The following FHOD3 variants were observed in gnomAD, a reference collection of about 807,000 sequenced individuals.
The protein encoded by FHOD3 is FH1/FH2 domain-containing protein 3.
In FHOD3, 90 loss-of-function variants were observed where a neutral mutation model predicts 173.0. That is an observed-to-expected ratio of 0.52 (90% CI 0.44 to 0.62). FHOD3 has a LOEUF of 0.62. Ranked by LOEUF, FHOD3 falls within the 20% of genes least tolerant of loss-of-function variation. FHOD3 has a pLI of 0.00. For missense variants in FHOD3, 1,945 were observed against 2,034.7 expected (o/e 0.96, Z 0.85); for synonymous variants, 828 against 823.0 (o/e 1.01, Z -0.10).
intron 3 of FHOD3, among the ~76,000 whole-genome samples, chr18:36,454,452 C>G (rs1220708506): frequency 2.0e-5 from 3 of 152,166 alleles, no homozygotes; most frequent in Admixed American, 6.5e-5. Context: ...ATCTAGTGTT[C>G]ACATTATTAA....
At chr18:36,540,471 G>T (rs192200544) in intron 5 of FHOD3, among the ~76,000 whole-genome samples, 8 of 152,276 alleles carry the variant, frequency 5.3e-5, no homozygotes, top group African/African-American at 1.9e-4. Context: ...GGAAAAGAAT[G>T]CTCATGGTGC....
intron 3 of FHOD3, among the ~76,000 whole-genome samples, chr18:36,470,255 T>C (rs1350993795): frequency 6.6e-6 from 1 of 152,234 alleles, no homozygotes; most frequent in Non-Finnish European, 1.5e-5. Context: ...GTCTGCCCAA[T>C]GCTGAATAGA....
At chr18:36,657,668 A>T (rs995750932) in intron 13 of FHOD3, among the ~76,000 whole-genome samples, 1 of 152,264 alleles carries the variant, frequency 6.6e-6, no homozygotes, top group Non-Finnish European at 1.5e-5. Flanking sequence ...TTAGCCAACC[A>T]TATGGTATTT....
At chr18:36,487,358 C>T (rs1413830267) in intron 3 of FHOD3, among the ~76,000 whole-genome samples, 5 of 152,156 alleles carry the variant, frequency 3.3e-5, no homozygotes, top group Non-Finnish European at 5.9e-5. Context: ...ACATGCAAAA[C>T]GTAGCCAAGA....
rs1220275722 is a variant in FHOD3 at position 36,513,177 on chromosome 18, C to T, written c.511+634C>T. On this transcript the variant is annotated intron_variant, in intron 5 of 28. Transcript: ENST00000590592. ...CACCTTCATATAAATTTCATTTGAT[C>T]CTGTAAAAAAAAAAAAAACAAATAA... Among the ~76,000 whole-genome samples the T allele has an allele frequency of 1.3e-4, 16 of 123,796 alleles. 1 individual carries two copies. The highest frequency in any genetic ancestry group is 1.1e-3 in the Admixed American group (13 of 11,930). 81.2% of individuals were successfully genotyped at this position (123,796 alleles called of 152,430 possible). A position where few individuals can be genotyped will look rare whatever the true frequency, so the allele number is the denominator to read the frequency against.
At chr18:36,320,007 A>G (rs2044314560) in intron 1 of FHOD3, among the ~76,000 whole-genome samples, 1 of 152,252 alleles carries the variant, frequency 6.6e-6, no homozygotes, top group African/African-American at 2.4e-5. Context: ...GGAAATTTAT[A>G]GCACTAAATG....
intron 6 of FHOD3, among the ~76,000 whole-genome samples, chr18:36,583,759 G>A (rs2058934872): frequency 1.3e-5 from 2 of 152,122 alleles, no homozygotes; most frequent in African/African-American, 2.4e-5. Flanking sequence ...GCCCACAGTT[G>A]ACATTTGACA....
intron 1 of FHOD3, among the ~76,000 whole-genome samples, chr18:36,327,731 C>A (rs1032079883): frequency 1.1e-4 from 16 of 152,282 alleles, no homozygotes; most frequent in African/African-American, 3.9e-4. Context: ...ATGACTTTTA[C>A]AGTTTGAAAA....
intron 3 of FHOD3, among the ~76,000 whole-genome samples, chr18:36,430,822 G>A (rs61473759): frequency 6.6e-6 from 1 of 152,150 alleles, no homozygotes; most frequent in Non-Finnish European, 1.5e-5. Context: ...GCGTGAGTTA[G>A]ATGGAGTCAC....
chr18:36,403,419 T>C (rs1469701247), intron 3 of FHOD3, among the ~76,000 whole-genome samples: 9 of 152,226 alleles, frequency 5.9e-5, no homozygotes, highest in African/African-American at 2.2e-4. Context: ...AACTGCAAGA[T>C]GAGTGGCAAG....
chr18:36,364,569 G>C (rs2046800194), intron 2 of FHOD3, among the ~76,000 whole-genome samples: 1 of 152,162 alleles, frequency 6.6e-6, no homozygotes, highest in Admixed American at 6.5e-5. Flanking sequence ...GAGCAGTATT[G>C]GTGCTGGCTG....
chr18:36,595,825 C>G (rs930853272), intron 7 of FHOD3, among the ~76,000 whole-genome samples: 2 of 152,118 alleles, frequency 1.3e-5, no homozygotes, highest in Admixed American at 1.3e-4. Flanking sequence ...TGTTTTCTTC[C>G]CCAGTAGGAC....
chr18:36,450,150 T>TA (rs2051741464), intron 3 of FHOD3, among the ~76,000 whole-genome samples: 1 of 152,200 alleles, frequency 6.6e-6, no homozygotes, highest in Non-Finnish European at 1.5e-5. Context: ...AGCTCCCACC[T>TA]ATGAGTGAGA....
chr18:36,742,872 C>T lies in FHOD3; in HGVS notation c.3879+16C>T, dbSNP rs768401022. The T allele has an allele frequency of 5.0e-6, 8 of 1,605,382 alleles. No homozygotes were observed. The Admixed American group carries it at 1.4e-4, about 28-fold the overall frequency. ...TGGAACTAATGTAAGTCATCCCCAT[C>T]CCTCATCCTGTAGCCCCCCCTTGTC... On this transcript the variant is annotated intron_variant, in intron 22 of 28. Coordinates refer to ENST00000590592, the MANE Select transcript of FHOD3 (RefSeq NM_001281740.3).
intron 3 of FHOD3, among the ~76,000 whole-genome samples, chr18:36,449,939 T>C (rs1003931824): frequency 2.0e-5 from 3 of 152,102 alleles, no homozygotes; most frequent in African/African-American, 7.2e-5. Flanking sequence ...AAAAATTCAG[T>C]AGGTTTTTGG....
intron 1 of FHOD3, among the ~76,000 whole-genome samples, chr18:36,341,650 T>C (rs1263223386): frequency 2.0e-5 from 3 of 152,158 alleles, no homozygotes; most frequent in South Asian, 2.1e-4. Context: ...CAGGCATTCA[T>C]TGGGACCCCT....
chr18:36,715,525 G>A (rs9652998), intron 18 of FHOD3, among the ~76,000 whole-genome samples: 33,146 of 152,068 alleles, frequency 0.22, 4,300 homozygotes, highest in African/African-American at 0.36. Context: ...ACCCAGAGGA[G>A]TAACATTCCT....
chr18:36,581,839 G>A (rs2058864179), intron 6 of FHOD3, among the ~76,000 whole-genome samples: 1 of 152,144 alleles, frequency 6.6e-6, no homozygotes, highest in African/African-American at 2.4e-5. Context: ...TAAGTAACGT[G>A]GTGTGTAGAA....
At chr18:36,723,840 T>A (rs529298395) in intron 19 of FHOD3, among the ~76,000 whole-genome samples, 1 of 152,358 alleles carries the variant, frequency 6.6e-6, no homozygotes, top group Non-Finnish European at 1.5e-5. Context: ...GGCAATATGA[T>A]GTGGCAACAT....
Sources: gnomAD v4.1 joint callset for allele counts (sites outside exome capture counted in the v4.1 genomes callset) on GRCh38, gnomAD v4.1.1 for gene constraint, MANE v1.5 for transcripts, NCBI Gene and HGNC (gene_info 2026-07-23, HGNC 2026-07-21) for gene names.